PLXDC1: variants seen among roughly 807,000 people sequenced by gnomAD.
The protein encoded by PLXDC1 is plexin domain containing 1.
PLXDC1 carries 39 observed loss-of-function variants against 61.3 expected under a neutral mutation model. That is an observed-to-expected ratio of 0.64 (90% CI 0.49 to 0.83). The LOEUF is 0.83. Among genes scored for constraint, PLXDC1 ranks in the 40% least tolerant of loss-of-function variants. The pLI, the probability that PLXDC1 is intolerant of heterozygous loss-of-function variation, is 0.00. For synonymous variants in PLXDC1, 212 were observed against 254.5 expected (o/e 0.83, Z 1.59); for missense variants, 596 against 666.5 (o/e 0.89, Z 1.17).
chr17:39,071,402 A>T (rs908742815), intron 12 of PLXDC1, among the ~76,000 whole-genome samples: 5 of 152,126 alleles, frequency 3.3e-5, no homozygotes, highest in Non-Finnish European at 7.4e-5. Flanking sequence ...AGGGGTGGCA[A>T]GTTTTAATGG....
intron 1 of PLXDC1, among the ~76,000 whole-genome samples, chr17:39,143,851 G>A (rs1912009033): frequency 6.6e-6 from 1 of 152,180 alleles, no homozygotes; most frequent in South Asian, 2.1e-4. Context: ...AAGGCAGCCT[G>A]CCCACTGCCC....
chr17:39,083,385 A>C, intron 9 of PLXDC1, 74 bp downstream of exon 9: 1 of 1,155,542 alleles, frequency 8.7e-7, no homozygotes, highest in Non-Finnish European at 1.3e-6. Flanking sequence ...CAGTGAGGCC[A>C]GGACGGGGCC....
intron 4 of PLXDC1, 104 bp downstream of exon 4, chr17:39,108,800 C>A: frequency 1.3e-6 from 1 of 751,556 alleles, no homozygotes; most frequent in Non-Finnish European, 2.3e-6. Flanking sequence ...GTGCCTTCCT[C>A]CCATTTCATA....
At chr17:39,128,060 TC>T (rs1911367655) in intron 2 of PLXDC1, among the ~76,000 whole-genome samples, 1 of 85,852 alleles carries the variant, frequency 1.2e-5, no homozygotes, top group Non-Finnish European at 2.3e-5. Context: ...TCTCTCTCTC[TC>T]TCTCTGTCTC....
At chr17:39,109,538 A>G in intron 2 of PLXDC1, 147 bp from the exon 3 acceptor site, 1 of 965,646 alleles carries the variant, frequency 1.0e-6, no homozygotes, top group Non-Finnish European at 1.5e-6. Flanking sequence ...GGGCTGATTT[A>G]GGCCTAGGAC....
chr17:39,127,893 G>A (rs1911358754), intron 2 of PLXDC1, among the ~76,000 whole-genome samples: 1 of 134,214 alleles, frequency 7.5e-6, no homozygotes, highest in Admixed American at 8.3e-5. Context: ...AGGAGGTGGA[G>A]ATCGCACCAC....
intron 9 of PLXDC1, among the ~76,000 whole-genome samples, chr17:39,082,048 G>C (rs1909582922): frequency 6.6e-6 from 1 of 152,188 alleles, no homozygotes; most frequent in Non-Finnish European, 1.5e-5. Context: ...ACAATCTGAG[G>C]CCCCAAGAGA....
intron 2 of PLXDC1, among the ~76,000 whole-genome samples, chr17:39,120,604 A>G (rs935623585): frequency 9.5e-6 from 1 of 105,398 alleles, no homozygotes; most frequent in African/African-American, 3.7e-5. Flanking sequence ...TATTTATTTT[A>G]GGTTTTTTTT....
chr17:39,100,573 C>G (rs191925066), intron 7 of PLXDC1, among the ~76,000 whole-genome samples: 7 of 152,196 alleles, frequency 4.6e-5, no homozygotes, highest in Non-Finnish European at 1.0e-4. Flanking sequence ...ACACTTCAGT[C>G]GCAGCCTGTG....
chr17:39,114,858 G>C (rs543751894), intron 2 of PLXDC1, among the ~76,000 whole-genome samples: 9 of 152,336 alleles, frequency 5.9e-5, no homozygotes, highest in African/African-American at 2.2e-4. Context: ...CAATCAGCCT[G>C]CTTCCTGGGC....
chr17:39,093,541 A>G (rs919579261), intron 7 of PLXDC1, among the ~76,000 whole-genome samples: 3 of 151,744 alleles, frequency 2.0e-5, no homozygotes, highest in Admixed American at 2.0e-4. Flanking sequence ...ACATGGTGAA[A>G]CCTCATCTCT....
chr17:39,128,812 C>A (rs1156673160), intron 2 of PLXDC1, among the ~76,000 whole-genome samples: 4 of 147,194 alleles, frequency 2.7e-5, no homozygotes, highest in African/African-American at 1.0e-4. Context: ...AGATCGAGAC[C>A]AGCCTGGCTA....
chr17:39,133,282 A>C (rs934142970), intron 2 of PLXDC1, among the ~76,000 whole-genome samples: 5 of 152,072 alleles, frequency 3.3e-5, no homozygotes, highest in Admixed American at 3.3e-4. Flanking sequence ...TAACAGGACG[A>C]GGGCAGGGTA....
intron 7 of PLXDC1, 133 bp downstream of exon 7, chr17:39,105,721 T>C: frequency 1.6e-6 from 1 of 639,418 alleles, no homozygotes; most frequent in South Asian, 2.0e-5. Flanking sequence ...GGGCATCCTT[T>C]CCTGCCTGGT....
intron 2 of PLXDC1, among the ~76,000 whole-genome samples, chr17:39,125,642 G>A (rs1237438547): frequency 1.3e-5 from 2 of 152,082 alleles, no homozygotes; most frequent in Admixed American, 6.6e-5. Context: ...TTTTTTATAT[G>A]TATGTTAATT....
At chr17:39,103,343 C>G (rs559476417) in intron 7 of PLXDC1, among the ~76,000 whole-genome samples, 3 of 152,108 alleles carry the variant, frequency 2.0e-5, no homozygotes, top group Non-Finnish European at 4.4e-5. Flanking sequence ...TGAGACCACC[C>G]CAGGCAACAT....
chr17:39,075,889 C>T (rs1335854003), intron 11 of PLXDC1, among the ~76,000 whole-genome samples: 1 of 152,012 alleles, frequency 6.6e-6, no homozygotes, highest in Admixed American at 6.5e-5. Flanking sequence ...ACCAGCCTGG[C>T]CAACATGGCA....
chr17:39,139,203 C>T (rs1342244202), intron 2 of PLXDC1, among the ~76,000 whole-genome samples: 2 of 152,188 alleles, frequency 1.3e-5, no homozygotes, highest in East Asian at 1.9e-4. Context: ...TCTACTCAGC[C>T]CCCTGCTGAG....
At chr17:39,098,569 C>T (rs1209171138) in intron 7 of PLXDC1, among the ~76,000 whole-genome samples, 2 of 152,100 alleles carry the variant, frequency 1.3e-5, no homozygotes, top group Non-Finnish European at 2.9e-5. Flanking sequence ...ACAATAAGTT[C>T]TATGTTAAGA....
Sources: gnomAD v4.1 joint callset for allele counts (sites outside exome capture counted in the v4.1 genomes callset) on GRCh38, gnomAD v4.1.1 for gene constraint, MANE v1.5 for transcripts, NCBI Gene and HGNC (gene_info 2026-07-23, HGNC 2026-07-21) for gene names.